MCF2L: variants seen among roughly 807,000 people sequenced by gnomAD.
MCF2L encodes MCF.2 cell line derived transforming sequence like.
A neutral mutation model predicts 153.4 loss-of-function variants in MCF2L; 97 were observed. The ratio of observed to expected loss-of-function variants is 0.63; its 90% confidence interval spans 0.54 to 0.75. The LOEUF is 0.75. MCF2L is among the 30% of genes least tolerant of loss of function. The pLI, the probability that MCF2L is intolerant of heterozygous loss-of-function variation, is 0.00. For missense variants in MCF2L, 1,347 were observed against 1,495.2 expected (o/e 0.90, Z 1.64); for synonymous variants, 659 against 632.2 (o/e 1.04, Z -0.64).
chr13:112,894,965 C>A (rs2081052247), intron 1 of MCF2L, among the ~76,000 whole-genome samples: 1 of 151,834 alleles, frequency 6.6e-6, no homozygotes, highest in Non-Finnish European at 1.5e-5. Context: ...GGGAGGGTAG[C>A]CTGGGGTCGG....
intron 2 of MCF2L, among the ~76,000 whole-genome samples, chr13:112,921,996 G>A (rs551210044): frequency 6.6e-6 from 1 of 152,220 alleles, no homozygotes; most frequent in African/African-American, 2.4e-5. Context: ...AATAAGGATA[G>A]AAATAATAAA....
intron 3 of MCF2L, chr13:113,044,580 G>A (rs577101120): frequency 2.6e-6 from 4 of 1,536,416 alleles, no homozygotes; most frequent in East Asian, 4.9e-5. Context: ...AGCAGCTGCT[G>A]GCATCACGCA....
At position 113,064,253 on chromosome 13, in the gene MCF2L, G is replaced by T; in HGVS notation, c.490-51G>T. 7.4e-7 allele frequency: 1 copy of T among 1,355,516 alleles called. No homozygotes were observed. 84.0% of individuals were successfully genotyped at this position (1,355,516 alleles called of 1,614,324 possible). Reference sequence around the variant, plus strand: ...GTTCTGCTGATGGGGCAGCTCTTTTGGGAGCCAACAATAATCCCAAACACT... The same window carrying T: ...GTTCTGCTGATGGGGCAGCTCTTTTTGGAGCCAACAATAATCCCAAACACT... On this transcript the variant is annotated intron_variant, in intron 5 of 29. Transcript: ENST00000535094. This position sits in a 1 kb window ranked among gnomAD's most constrained non-coding sequence, Gnocchi z 6.0.
chr13:113,077,587 C>T (rs949049802), intron 13 of MCF2L, among the ~76,000 whole-genome samples: 1 of 152,190 alleles, frequency 6.6e-6, no homozygotes, highest in Non-Finnish European at 1.5e-5. Context: ...AGCCTCTCCA[C>T]GGTCTGTCCT....
chr13:113,052,788 CAG>C (rs2087442840), intron 4 of MCF2L: 1 of 151,914 alleles, frequency 6.6e-6, no homozygotes. Context: ...CAAAAACACA[CAG>C]ACATAGACAC....
intron 2 of MCF2L, among the ~76,000 whole-genome samples, chr13:113,019,181 G>T (rs1316866727): frequency 6.6e-6 from 1 of 152,214 alleles, no homozygotes; most frequent in Non-Finnish European, 1.5e-5. Context: ...AGGATTAAGT[G>T]TTTGTGCAGC....
chr13:112,937,567 T>C (rs1368476386), intron 2 of MCF2L, among the ~76,000 whole-genome samples: 1 of 152,248 alleles, frequency 6.6e-6, no homozygotes, highest in African/African-American at 2.4e-5. Flanking sequence ...AGAAAGTATA[T>C]TCCAGAGAAC....
At chr13:113,022,481 C>T (rs3011517) in intron 2 of MCF2L, among the ~76,000 whole-genome samples, 23,577 of 151,814 alleles carry the variant, frequency 0.16, 2,019 homozygotes, top group East Asian at 0.28. Flanking sequence ...CCCCAGCTGC[C>T]GTCGGCGTCA....
rs1414597492 is a variant in MCF2L at position 113,048,455 on chromosome 13, T to TC, written c.369+3094_369+3095insC. On this transcript the variant is annotated intron_variant, in intron 4 of 29. Transcript: ENST00000535094. Reference sequence around the variant, plus strand: ...TTACGGTCTTTTTTTTTTTTTTTTTTTTTGAGACGGAGTCTCATTCTTTCG... The same window carrying TC: ...TTACGGTCTTTTTTTTTTTTTTTTTTCTTTGAGACGGAGTCTCATTCTTTCG... 3.3e-5 allele frequency among the ~76,000 whole-genome samples: 5 copies of TC among 149,714 alleles called. No homozygotes were observed. In the East Asian group the frequency reaches 9.8e-4, roughly 29 times the overall value.
At position 112,915,410 on chromosome 13, in the gene MCF2L, C is replaced by CAA. The variant is rs779274453; in HGVS notation, c.169+13053_169+13054dup. ...GGTGACAGAGCAAGACTCTGTCTCACAAAAAAAAAAAAAAATCCATCCTCA... is the reference window on the plus strand; with the variant it reads ...GGTGACAGAGCAAGACTCTGTCTCACAAAAAAAAAAAAAAAAATCCATCCTCA... On this transcript the variant is annotated intron_variant, in intron 2 of 29. Transcript: ENST00000375608. Among the ~76,000 whole-genome samples, 245 of 86,916 alleles carry CAA rather than the reference C, an allele frequency of 2.8e-3. 28 individuals are homozygous for CAA. The highest frequency in any genetic ancestry group is 6.7e-3 in the African/African-American group (126 of 18,752). The allele number at this position is 86,916 out of a possible 152,430, so 57.0% of individuals were successfully genotyped here. A position where few individuals can be genotyped will look rare whatever the true frequency, so the allele number is the denominator to read the frequency against.
intron 4 of MCF2L, among the ~76,000 whole-genome samples, chr13:113,057,456 T>C (rs1327583631): frequency 7.1e-6 from 1 of 140,518 alleles, no homozygotes; most frequent in Non-Finnish European, 1.5e-5. Flanking sequence ...GGGTGCTGAG[T>C]GTTTTGGCAC....
intron 1 of MCF2L, chr13:113,001,567 T>C: frequency 2.2e-6 from 1 of 452,584 alleles, no homozygotes; most frequent in Non-Finnish European, 3.3e-6. Context: ...GATGGGACTT[T>C]GGCGGAGTGT....
In MCF2L at chr13:113,028,509, G is replaced by A. The variant is rs554999355; in HGVS notation, c.278+3751G>A. Among the ~76,000 whole-genome samples, 9 of 152,304 alleles carry A rather than the reference G, an allele frequency of 5.9e-5. No homozygotes were observed. Among genetic ancestry groups the A allele is most frequent in the Admixed American group, 3.9e-4 (6 of 15,302 alleles). ...TCTGTAGATTGCGCATCTGTGAGTC[G>A]CACAGCCTGGTCTGGCTGAAGGTGG... On this transcript the variant is annotated intron_variant, in intron 3 of 29. Coordinates refer to ENST00000535094, the MANE Select transcript of MCF2L (RefSeq NM_001112732.3). This position sits in a 1 kb window ranked among gnomAD's most constrained non-coding sequence, Gnocchi z 5.4.
At chr13:112,973,988 A>G (rs1594428120) in intron 1 of MCF2L, among the ~76,000 whole-genome samples, 1 of 152,098 alleles carries the variant, frequency 6.6e-6, no homozygotes, top group Admixed American at 6.5e-5. Context: ...TCCGTCTTCA[A>G]AGCCGCTCCT....
intron 26 of MCF2L, chr13:113,090,088 G>T: frequency 6.4e-7 from 1 of 1,551,846 alleles, no homozygotes; most frequent in South Asian, 1.2e-5. Flanking sequence ...CACTAGCTCT[G>T]CCTCAGAAAG....
chr13:113,046,253 G>T lies in MCF2L; in HGVS notation c.369+892G>T. ...CGTCCAAATTTCATTGCTGCCAAAG[G>T]ACCAAAAAAGGCTGCCTGTCTGCCA... is the stretch of plus-strand genomic sequence containing the variant. On this transcript the variant is annotated intron_variant, in intron 4 of 29. Coordinates refer to ENST00000535094, the MANE Select transcript of MCF2L (RefSeq NM_001112732.3). The surrounding 1 kb of genome is among the most constrained non-coding windows in gnomAD (Gnocchi z 4.4). The T allele has an allele frequency of 4.5e-6, 1 of 222,150 alleles. No homozygotes were observed. The highest frequency in any genetic ancestry group is 9.0e-6 in the Non-Finnish European group (1 of 111,702). 13.8% of individuals were successfully genotyped at this position (222,150 alleles called of 1,614,324 possible).
At chr13:112,930,347 A>G (rs1461485971) in intron 2 of MCF2L, among the ~76,000 whole-genome samples, 1 of 152,214 alleles carries the variant, frequency 6.6e-6, no homozygotes, top group Non-Finnish European at 1.5e-5. Context: ...AGATGATGGA[A>G]TATTACTCAG....
chr13:112,968,113 TCTCTC>T (rs2081924503), upstream of MCF2L: 2 of 194,448 alleles, frequency 1.0e-5, no homozygotes, highest in Non-Finnish European at 2.0e-5. Context: ...TCTCTCTCTC[TCTCTC>T]TTTTAACTGA....
At chr13:112,913,996 G>A (rs979387913) in intron 2 of MCF2L, among the ~76,000 whole-genome samples, 7 of 152,110 alleles carry the variant, frequency 4.6e-5, no homozygotes, top group African/African-American at 1.7e-4. Context: ...GCGTTGCGTT[G>A]GGACGTAATT....
Sources: gnomAD v4.1 joint callset for allele counts (sites outside exome capture counted in the v4.1 genomes callset) on GRCh38, gnomAD v4.1.1 for gene constraint, Gnocchi (gnomAD v3.1) non-coding constraint, MANE v1.5 for transcripts, NCBI Gene and HGNC (gene_info 2026-07-23, HGNC 2026-07-21) for gene names.